The following RBFOX1 variants were observed in gnomAD, a reference collection of about 807,000 sequenced individuals.
RBFOX1 encodes RNA binding fox-1 homolog 1.
In RBFOX1, 8 loss-of-function variants were observed where a neutral mutation model predicts 57.7. The ratio of observed to expected loss-of-function variants is 0.14; its 90% CI spans 0.08 to 0.25. RBFOX1 has a LOEUF of 0.25. Among genes scored for constraint, RBFOX1 ranks in the 10% least tolerant of loss-of-function variants. RBFOX1 has a pLI of 1.00. For missense variants in RBFOX1, 611 were observed against 548.5 expected (o/e 1.11, Z -1.14); for synonymous variants, 326 against 222.4 (o/e 1.47, Z -4.15).
chr16:6,429,222 G>A lies in RBFOX1; in HGVS notation c.-64+112165G>A, dbSNP rs573768936. On this transcript the variant is annotated intron_variant, in intron 2 of 15. Transcript: ENST00000550418. ...AATGTTTGAAATGTGTCTGTGGAGAGAGCTTTGGTGGAGAGTGGGAGAAAA... is the reference window on the plus strand; with the variant it reads ...AATGTTTGAAATGTGTCTGTGGAGAAAGCTTTGGTGGAGAGTGGGAGAAAA... Among the ~76,000 whole-genome samples, 84 of 152,338 alleles carry A rather than the reference G, an allele frequency of 5.5e-4. 2 individuals carry two copies. Among genetic ancestry groups the A allele is most frequent in the South Asian group, 5.2e-3 (25 of 4,822 alleles).
At chr16:7,004,969 C>A (rs757970573) in intron 3 of RBFOX1, among the ~76,000 whole-genome samples, 1 of 152,100 alleles carries the variant, frequency 6.6e-6, no homozygotes, top group East Asian at 1.9e-4. Context: ...CATGGTGAAA[C>A]CCCATTTCTA....
chr16:5,438,645 A>G (rs62016390), intron 1 of RBFOX1, among the ~76,000 whole-genome samples: 1,817 of 152,224 alleles, frequency 0.012, 15 homozygotes, highest in Non-Finnish European at 0.018. Flanking sequence ...ATGGAAGTAT[A>G]CGAAAAATCA....
intron 3 of RBFOX1, among the ~76,000 whole-genome samples, chr16:6,965,970 A>T (rs74008500): frequency 0.022 from 3,331 of 152,238 alleles, 123 homozygotes; most frequent in African/African-American, 0.076. Flanking sequence ...GGATTCACTT[A>T]GGGCTTTGGA....
intron 3 of RBFOX1, among the ~76,000 whole-genome samples, chr16:7,049,355 C>G (rs189487172): frequency 3.3e-5 from 5 of 152,262 alleles, no homozygotes; most frequent in Non-Finnish European, 2.9e-5. Context: ...TGTTAAGTGT[C>G]TGCAGCCACC....
intron 2 of RBFOX1, among the ~76,000 whole-genome samples, chr16:6,583,450 T>C (rs2097565226): frequency 6.6e-6 from 1 of 152,238 alleles, no homozygotes; most frequent in African/African-American, 2.4e-5. Context: ...GGGGAGCATC[T>C]CACACTAGCC....
chr16:6,708,385 C>A (rs529003484), intron 3 of RBFOX1, among the ~76,000 whole-genome samples: 4 of 152,068 alleles, frequency 2.6e-5, no homozygotes, highest in African/African-American at 9.7e-5. Context: ...ATCATTTTTT[C>A]CTAAATCAGA....
intron 4 of RBFOX1, among the ~76,000 whole-genome samples, chr16:7,061,571 CAAAA>C (rs759292684): frequency 2.6e-5 from 4 of 151,920 alleles, no homozygotes; most frequent in Non-Finnish European, 4.4e-5. Context: ...GGAGAAGACT[CAAAA>C]AAAAGTTCAC....
rs1340615990 is a variant in RBFOX1 at position 5,433,083 on chromosome 16, TAGAG to T, written c.220-34129_220-34126del. On this transcript the variant is annotated intron_variant, in intron 1 of 2. Coordinates refer to the RBFOX1 transcript ENST00000585867. ...GGAAAACGCAGGAGACCGAAGACGT[TAGAG>T]AGAAGACAACAACCCTGAGCTTCCA... Among the ~76,000 whole-genome samples the T allele has an allele frequency of 5.9e-5, 9 of 152,266 alleles. No individual in the cohort carries two copies. In the East Asian group the frequency reaches 1.5e-3, roughly 26 times the overall value.
chr16:6,964,838 A>G (rs556053880), intron 3 of RBFOX1, among the ~76,000 whole-genome samples: 5 of 152,170 alleles, frequency 3.3e-5, no homozygotes, highest in African/African-American at 1.2e-4. Flanking sequence ...CCTGGTTGAA[A>G]TCCCTGCTCC....
At chr16:7,353,685 A>G (rs979422125) in intron 4 of RBFOX1, among the ~76,000 whole-genome samples, 7 of 152,230 alleles carry the variant, frequency 4.6e-5, no homozygotes, top group East Asian at 1.9e-4. Context: ...ATGTTGTACT[A>G]AGTGAGTGAA....
chr16:7,158,477 T>C (rs1200721215), intron 4 of RBFOX1, among the ~76,000 whole-genome samples: 1 of 152,192 alleles, frequency 6.6e-6, no homozygotes, highest in Non-Finnish European at 1.5e-5. Flanking sequence ...CTTTTTCAGA[T>C]TTCCCTAGTT....
intron 2 of RBFOX1, among the ~76,000 whole-genome samples, chr16:6,557,774 C>T (rs1185925870): frequency 6.6e-6 from 1 of 152,114 alleles, no homozygotes; most frequent in African/African-American, 2.4e-5. Context: ...TCAGACGGTT[C>T]CATGTCAAGG....
chr16:6,646,246 C>T (rs2098533870), intron 2 of RBFOX1, among the ~76,000 whole-genome samples: 1 of 152,030 alleles, frequency 6.6e-6, no homozygotes, highest in Non-Finnish European at 1.5e-5. Flanking sequence ...AATTTGTTCT[C>T]GCCAAAGTGA....
At chr16:6,693,955 C>T (rs1568245029) in intron 3 of RBFOX1, among the ~76,000 whole-genome samples, 1 of 152,210 alleles carries the variant, frequency 6.6e-6, no homozygotes, top group Non-Finnish European at 1.5e-5. Context: ...ATTATTTCTC[C>T]TATTTTACAG....
intron 3 of RBFOX1, among the ~76,000 whole-genome samples, chr16:6,886,895 T>C (rs1234117259): frequency 6.6e-6 from 1 of 152,132 alleles, no homozygotes; most frequent in African/African-American, 2.4e-5. Flanking sequence ...TTGCATTAGG[T>C]CACTTAGCCA....
intron 14 of RBFOX1, among the ~76,000 whole-genome samples, chr16:7,708,418 C>G (rs773874394): frequency 3.3e-5 from 5 of 152,242 alleles, no homozygotes; most frequent in South Asian, 2.1e-4. Context: ...TTTCAAATGC[C>G]TCCCCCTTCC....
chr16:7,210,704 A>G (rs1470537724), intron 4 of RBFOX1, among the ~76,000 whole-genome samples: 3 of 152,236 alleles, frequency 2.0e-5, no homozygotes, highest in South Asian at 2.1e-4. Context: ...AATTTACAAC[A>G]TTGTTGCTCC....
At chr16:6,874,193 A>AG in intron 3 of RBFOX1, among the ~76,000 whole-genome samples, 1 of 152,240 alleles carries the variant, frequency 6.6e-6, no homozygotes, top group African/African-American at 2.4e-5. Context: ...ACACACACAA[A>AG]CACATGCTAC....
intron 4 of RBFOX1, among the ~76,000 whole-genome samples, chr16:7,513,800 C>G (rs1014724657): frequency 2.6e-5 from 4 of 152,196 alleles, no homozygotes; most frequent in African/African-American, 9.6e-5. Context: ...CATGAACCTT[C>G]TGCTCATAAG....
Sources: gnomAD v4.1 joint callset for allele counts (sites outside exome capture counted in the v4.1 genomes callset) on GRCh38, gnomAD v4.1.1 for gene constraint, MANE v1.5 for transcripts, NCBI Gene and HGNC (gene_info 2026-07-23, HGNC 2026-07-21) for gene names.